RFTN2: variants seen among roughly 807,000 people sequenced by gnomAD.
RFTN2 encodes raftlin-2.
RFTN2 carries 34 observed loss-of-function variants against 52.7 expected under a neutral mutation model. The observed-to-expected ratio is 0.64, with a 90% confidence interval of 0.49 to 0.86. The LOEUF (loss-of-function observed/expected upper bound fraction) is 0.86, where lower values mean the gene tolerates loss of function less well. Among genes scored for constraint, RFTN2 ranks in the 40% least tolerant of loss-of-function variants. The pLI is 0.00. For missense variants in RFTN2, 536 were observed against 600.1 expected (o/e 0.89, Z 1.12); for synonymous variants, 203 against 217.7 (o/e 0.93, Z 0.59).
intron 5 of RFTN2, among the ~76,000 whole-genome samples, chr2:197,624,597 CAAAAAAAAA>C (rs746144794): frequency 3.5e-5 from 2 of 57,912 alleles, no homozygotes; most frequent in Non-Finnish European, 6.0e-5. Context: ...GACTCTGTCT[CAAAAAAAAA>C]AAAAAAAAAA....
intron 7 of RFTN2, among the ~76,000 whole-genome samples, chr2:197,615,132 A>G (rs1172049655): frequency 6.6e-6 from 1 of 152,224 alleles, no homozygotes; most frequent in Non-Finnish European, 1.5e-5. Context: ...AGGCCAGAAA[A>G]GGTGAGTGAA....
chr2:197,580,767 G>C (rs1053185291), intron 8 of RFTN2, among the ~76,000 whole-genome samples: 1 of 152,120 alleles, frequency 6.6e-6, no homozygotes, highest in Admixed American at 6.5e-5. Context: ...GGTATTGACG[G>C]CCAGACTTCT....
chr2:197,622,331 G>A (rs1365239105), intron 5 of RFTN2, among the ~76,000 whole-genome samples: 1 of 152,080 alleles, frequency 6.6e-6, no homozygotes, highest in African/African-American at 2.4e-5. Flanking sequence ...TTGAGACAAG[G>A]TCTCACTCTT....
intron 5 of RFTN2, among the ~76,000 whole-genome samples, chr2:197,619,332 C>T (rs1436224404): frequency 6.6e-6 from 1 of 152,034 alleles, no homozygotes; most frequent in Non-Finnish European, 1.5e-5. Context: ...ATTGAGAAAT[C>T]GGATGGTTGC....
intron 1 of RFTN2, among the ~76,000 whole-genome samples, chr2:197,665,159 T>A (rs888789584): frequency 1.3e-5 from 2 of 152,160 alleles, no homozygotes; most frequent in African/African-American, 4.8e-5. Flanking sequence ...AAAATTGACA[T>A]TATTTTAAAA....
At chr2:197,597,001 G>A (rs2087802342) in intron 7 of RFTN2, among the ~76,000 whole-genome samples, 1 of 152,052 alleles carries the variant, frequency 6.6e-6, no homozygotes, top group Non-Finnish European at 1.5e-5. Context: ...GCTCAGTTAC[G>A]ACTTTTATTA....
chr2:197,627,447 GAGTATTATA>G lies in RFTN2; in HGVS notation c.928+3555_928+3563del, dbSNP rs2088384029. Among the ~76,000 whole-genome samples, 3 of 152,328 alleles carry G rather than the reference GAGTATTATA, an allele frequency of 2.0e-5. No homozygotes were observed. In the South Asian group the frequency reaches 6.2e-4, roughly 32 times the overall value. On this transcript the variant is annotated intron_variant, in intron 5 of 8. Coordinates refer to ENST00000295049, the MANE Select transcript of RFTN2 (RefSeq NM_144629.3). ...CGGCTAGCGCCTTGTAAGTAGGGAA[GAGTATTATA>G]AACCCAGTGCTTGGCATGGGTCCTG... is the stretch of plus-strand genomic sequence containing the variant.
rs773462027 is a variant in RFTN2, at chr2:197,596,055, G to A, written c.1169C>T (p.Ala390Val). The change falls in exon 8 of 9, where the codon GCT becomes GTT. Residue 390 changes from alanine (A) to valine (V), a missense_variant. Physicochemically the swap from Ala to Val is moderately conservative, Grantham distance 64. Transcript: ENST00000295049. ...VLRHDSEGNL[A>V]TKQIVFLQRP... Reference sequence around the variant, plus strand: ...CTGAAGGAATACGATCTGCTTTGTAGCCAAATTCCCTTCACTGCAAATTAA... The same window carrying A: ...CTGAAGGAATACGATCTGCTTTGTAACCAAATTCCCTTCACTGCAAATTAA... The A allele has an allele frequency of 1.2e-6, 2 of 1,609,152 alleles. No individual in the cohort carries two copies. The highest frequency in any genetic ancestry group is 1.1e-5 in the South Asian group (1 of 90,862).
intron 8 of RFTN2, among the ~76,000 whole-genome samples, chr2:197,575,847 T>A (rs12993653): frequency 0.023 from 2,578 of 112,164 alleles, 39 homozygotes; most frequent in Non-Finnish European, 0.035. Flanking sequence ...TTATATATAT[T>A]TTATATACAT....
chr2:197,590,816 A>C (rs1313154670), intron 8 of RFTN2, among the ~76,000 whole-genome samples: 2 of 152,202 alleles, frequency 1.3e-5, no homozygotes, highest in African/African-American at 4.8e-5. Flanking sequence ...GGCTGGCTTC[A>C]GGCGTGAAGC....
intron 7 of RFTN2, among the ~76,000 whole-genome samples, chr2:197,611,017 G>A (rs1330288133): frequency 3.3e-5 from 5 of 152,226 alleles, no homozygotes; most frequent in Non-Finnish European, 5.9e-5. Context: ...CGGTTTGCCA[G>A]TATTTTATTG....
At chr2:197,632,771 T>A (rs975385525) in intron 4 of RFTN2, among the ~76,000 whole-genome samples, 2 of 152,134 alleles carry the variant, frequency 1.3e-5, no homozygotes, top group Non-Finnish European at 2.9e-5. Flanking sequence ...TGTGGCTAAA[T>A]GAATCTCTGC....
intron 3 of RFTN2, among the ~76,000 whole-genome samples, chr2:197,635,125 C>T (rs1474416341): frequency 6.6e-6 from 1 of 151,988 alleles, no homozygotes; most frequent in Non-Finnish European, 1.5e-5. Context: ...TTTTCTTAAT[C>T]CAGTCTATGA....
chr2:197,602,058 CT>C (rs1559345140), intron 7 of RFTN2, among the ~76,000 whole-genome samples: 1 of 152,012 alleles, frequency 6.6e-6, no homozygotes, highest in Non-Finnish European at 1.5e-5. Context: ...TTGACACTAT[CT>C]TTTTTTTATT....
At position 197,652,559 on chromosome 2, in the gene RFTN2, T is replaced by TA. The variant is rs2088840137; in HGVS notation, c.140-5894dup. Among the ~76,000 whole-genome samples the TA allele has an allele frequency of 4.6e-5, 7 of 152,192 alleles. No homozygotes were observed. In the South Asian group the frequency reaches 1.5e-3, roughly 32 times the overall value. ...AGATATATAATGAAATACTTATGTT[T>TA]AAAATGTCTAAAAGAGCTTTTGCCA... On this transcript the variant is annotated intron_variant, in intron 1 of 8. Transcript: ENST00000295049.
chr2:197,602,886 T>A (rs2087901100), intron 7 of RFTN2, among the ~76,000 whole-genome samples: 1 of 152,190 alleles, frequency 6.6e-6, no homozygotes, highest in African/African-American at 2.4e-5. Context: ...TGGAATACTA[T>A]GCAACCATAA....
intron 5 of RFTN2, among the ~76,000 whole-genome samples, chr2:197,619,752 A>T (rs1174979885): frequency 7.1e-5 from 10 of 140,290 alleles, no homozygotes; most frequent in African/African-American, 2.7e-4. Flanking sequence ...AAAAAAAAAA[A>T]TAATAATAAC....
intron 8 of RFTN2, among the ~76,000 whole-genome samples, chr2:197,595,278 G>GTT (rs2087777838): frequency 6.6e-6 from 1 of 152,216 alleles, no homozygotes; most frequent in Non-Finnish European, 1.5e-5. Context: ...ATTTAGAACT[G>GTT]TAAGGGCAGA....
intron 7 of RFTN2, among the ~76,000 whole-genome samples, chr2:197,610,410 C>G (rs1244065366): frequency 6.6e-6 from 1 of 151,880 alleles, no homozygotes; most frequent in African/African-American, 2.4e-5. Context: ...TGATTTGGCT[C>G]TCTGTCTGTT....
Sources: allele counts gnomAD v4.1 joint callset (sites outside exome capture counted in the v4.1 genomes callset), GRCh38; gene constraint gnomAD v4.1.1; transcripts MANE v1.5; gene names NCBI Gene and HGNC (gene_info 2026-07-23, HGNC 2026-07-21).